Variants in SORBS2 observed in about 807,000 individuals in gnomAD.
SORBS2 encodes the protein sorbin and SH3 domain containing 2, also known as sorbin and SH3 domain-containing protein 2.
SORBS2 carries 46 observed loss-of-function variants against 97.7 expected under a neutral mutation model. The ratio of observed to expected loss-of-function variants is 0.47; its 90% CI spans 0.37 to 0.60. SORBS2 has a LOEUF of 0.60. SORBS2 is among the 20% of genes least tolerant of loss of function. SORBS2 has a pLI of 0.00. For synonymous variants in SORBS2, 476 were observed against 473.4 expected, an observed-to-expected ratio of 1.01 and a Z score of -0.07; for missense variants, 1,316 against 1,282.3, an observed-to-expected ratio of 1.03 and a Z score of -0.40.
rs567543561 is a variant in SORBS2, at chr4:185,823,486, A to C, written c.-337-48120T>G. 3.5e-3 allele frequency among the ~76,000 whole-genome samples: 504 copies of C among 143,370 alleles called. 1 individual carries two copies. Among genetic ancestry groups the C allele is most frequent in the East Asian group, 6.9e-3 (34 of 4,902 alleles). 94.1% of individuals were successfully genotyped at this position (143,370 alleles called of 152,430 possible). ...ATAACGAGGGATTGAGTTATGTATA[A>C]ATTTTCTTTTGTTTATTTGTATATT... is the stretch of plus-strand genomic sequence containing the variant. On this transcript the variant is annotated intron_variant, in intron 1 of 20. Transcript: ENST00000284776.
At chr4:185,680,421 T>A (rs1024369602) in intron 2 of SORBS2, among the ~76,000 whole-genome samples, 1 of 152,216 alleles carries the variant, frequency 6.6e-6, no homozygotes, top group Non-Finnish European at 1.5e-5. Context: ...ATCAGAATGC[T>A]GCTTTAGGGC....
intron 1 of SORBS2, among the ~76,000 whole-genome samples, chr4:185,952,409 T>C (rs2099277636): frequency 6.6e-6 from 1 of 152,216 alleles, no homozygotes; most frequent in Admixed American, 6.5e-5. Flanking sequence ...CCTGGGCCAG[T>C]AGGTAGAGGT....
intron 6 of SORBS2, 87 bp downstream of exon 18, chr4:185,626,745 G>T: frequency 8.2e-7 from 1 of 1,218,148 alleles, no homozygotes; most frequent in Non-Finnish European, 1.2e-6. Context: ...GCTGGCACAT[G>T]CCACTATCAC....
At chr4:185,639,173 A>T (rs921147273) in intron 4 of SORBS2, 138 bp from the exon 14 acceptor site, 24 of 734,078 alleles carry the variant, frequency 3.3e-5, no homozygotes, top group Non-Finnish European at 4.4e-5. Flanking sequence ...GTCCCTAGGG[A>T]CCCAGACGCC....
chr4:185,952,146 T>C (rs1427020901), intron 1 of SORBS2, among the ~76,000 whole-genome samples: 2 of 152,000 alleles, frequency 1.3e-5, no homozygotes, highest in Non-Finnish European at 2.9e-5. Flanking sequence ...TGCCTCAGCC[T>C]CCCAAGTAGC....
At position 185,773,530 on chromosome 4, in the gene SORBS2, T is replaced by C. The variant is rs528479137; in HGVS notation, c.-198+1697A>G. 5.9e-5 allele frequency: 9 copies of C among 152,058 alleles called. No individual in the cohort carries two copies. In the East Asian group the frequency reaches 1.7e-3, roughly 30 times the overall value. 9.4% of individuals were successfully genotyped at this position (152,058 alleles called of 1,614,324 possible). ...CCACAGCTCCGCCCCTTTGGAGATT[T>C]GTCCTGTGGCCACTTGCGTTTGTCC... On this transcript the variant is annotated intron_variant, in intron 2 of 20. Transcript: ENST00000284776.
chr4:185,665,220 T>C (rs1156786803), intron 4 of SORBS2, among the ~76,000 whole-genome samples: 2 of 152,112 alleles, frequency 1.3e-5, no homozygotes, highest in East Asian at 1.9e-4. Flanking sequence ...TCCTGGACAA[T>C]AGATGAGTTC....
chr4:185,864,317 T>A (rs981552417), intron 1 of SORBS2, among the ~76,000 whole-genome samples: 2 of 152,202 alleles, frequency 1.3e-5, no homozygotes, highest in Non-Finnish European at 1.5e-5. Context: ...AAGAAAGAGA[T>A]TAAAAGCCCT....
At chr4:185,664,105 C>T (rs931350670) in intron 4 of SORBS2, among the ~76,000 whole-genome samples, 2 of 151,864 alleles carry the variant, frequency 1.3e-5, no homozygotes, top group African/African-American at 4.8e-5. Context: ...CCACCCACCT[C>T]GGCCTCCCAA....
intron 2 of SORBS2, among the ~76,000 whole-genome samples, chr4:185,682,337 T>C (rs771137039): frequency 1.1e-4 from 16 of 152,344 alleles, no homozygotes; most frequent in Middle Eastern, 6.8e-3. Context: ...AATAAAATGT[T>C]TTCAATTGTT....
rs967714573 is a variant in SORBS2, at chr4:185,872,180, G to A, written c.-338+84016C>T. Among the ~76,000 whole-genome samples the A allele has an allele frequency of 7.2e-5, 11 of 152,112 alleles. No individual in the cohort carries two copies. In the South Asian group the frequency reaches 8.3e-4, roughly 11 times the overall value. On this transcript the variant is annotated intron_variant, in intron 1 of 20. Coordinates refer to the SORBS2 transcript ENST00000284776. ...AAACTCTGATTTTGTTTGTATCTGG[G>A]GAGAAATCCAGGGGAAAGAAGAGAA...
At chr4:185,678,455 G>A in exon 4 of SORBS2, 1 of 1,550,878 alleles carries the variant, frequency 6.4e-7, no homozygotes, top group Non-Finnish European at 8.7e-7. Context: ...TGTAGGTTTG[G>A]TCGAACGCTT....
At chr4:185,693,564 A>G (rs2098129197) in intron 2 of SORBS2, among the ~76,000 whole-genome samples, 1 of 152,204 alleles carries the variant, frequency 6.6e-6, no homozygotes, top group African/African-American at 2.4e-5. Context: ...CCAGAAAATG[A>G]GGATTATGAG....
chr4:185,770,204 G>A (rs111928065), intron 2 of SORBS2, among the ~76,000 whole-genome samples: 2 of 151,856 alleles, frequency 1.3e-5, no homozygotes, highest in East Asian at 1.9e-4. Flanking sequence ...TCAGCCTCCC[G>A]AGTAGGATGG....
chr4:185,630,919 A>T (rs527252032), intron 4 of SORBS2, among the ~76,000 whole-genome samples: 1 of 152,338 alleles, frequency 6.6e-6, no homozygotes, highest in South Asian at 2.1e-4. Flanking sequence ...GTTATCCTAC[A>T]GCCTGAACTG....
At chr4:185,910,782 G>C (rs536025096) in intron 1 of SORBS2, among the ~76,000 whole-genome samples, 2 of 152,208 alleles carry the variant, frequency 1.3e-5, no homozygotes, top group South Asian at 4.2e-4. Context: ...GGTATACAAA[G>C]ATGCAGATAT....
At chr4:185,911,123 C>T (rs985174501) in intron 1 of SORBS2, among the ~76,000 whole-genome samples, 2 of 152,180 alleles carry the variant, frequency 1.3e-5, no homozygotes, top group African/African-American at 4.8e-5. Context: ...AGTTTACAAA[C>T]AAGTTTATGC....
At chr4:185,680,262 G>T (rs563650232) in intron 2 of SORBS2, among the ~76,000 whole-genome samples, 1 of 152,342 alleles carries the variant, frequency 6.6e-6, no homozygotes, top group South Asian at 2.1e-4. Context: ...TACAGCCTCA[G>T]TCTGTTGGTT....
chr4:185,625,731 C>A (rs1025756541), intron 6 of SORBS2, among the ~76,000 whole-genome samples: 2 of 152,188 alleles, frequency 1.3e-5, no homozygotes, highest in African/African-American at 4.8e-5. Flanking sequence ...GGGGCTCACA[C>A]GCCCTGAACC....
Sources: gnomAD v4.1 joint callset for allele counts (sites outside exome capture counted in the v4.1 genomes callset) on GRCh38, gnomAD v4.1.1 for gene constraint, MANE v1.5 for transcripts, NCBI Gene and HGNC (gene_info 2026-07-23, HGNC 2026-07-21) for gene names.